The following DNAH3 variants were observed in gnomAD, a reference collection of about 807,000 sequenced individuals.
The protein encoded by DNAH3 is axonemal beta dynein heavy chain 3.
A neutral mutation model predicts 432.5 loss-of-function variants in DNAH3; 332 were observed. The observed-to-expected ratio is 0.77, with a 90% CI of 0.70 to 0.84. DNAH3 has a LOEUF of 0.84. DNAH3 is among the 40% of genes least tolerant of loss of function. The pLI, the probability that DNAH3 is intolerant of heterozygous loss-of-function variation, is 0.00. For missense variants in DNAH3, 4,861 were observed against 5,114.0 expected (o/e 0.95, Z 1.51); for synonymous variants, 1,956 against 1,900.2 (o/e 1.03, Z -0.76).
chr16:21,109,095 C>G (rs918503320), intron 14 of DNAH3, among the ~76,000 whole-genome samples: 27 of 149,368 alleles, frequency 1.8e-4, no homozygotes, highest in African/African-American at 6.7e-4. Flanking sequence ...TGCACTCCAG[C>G]CTGAACAACA....
chr16:21,098,660 T>A (rs2091757592), exon 17 of DNAH3: 1 of 1,613,532 alleles, frequency 6.2e-7, no homozygotes. Flanking sequence ...GAAAGCTCAT[T>A]AAGCTTTTCA....
intron 41 of DNAH3, among the ~76,000 whole-genome samples, chr16:21,010,494 A>T (rs1221375905): frequency 1.3e-5 from 2 of 152,194 alleles, no homozygotes; most frequent in Non-Finnish European, 2.9e-5. Flanking sequence ...TGACAAACAA[A>T]GGTCCATGTC....
intron 41 of DNAH3, among the ~76,000 whole-genome samples, chr16:21,004,641 T>C (rs2087190541): frequency 6.6e-6 from 1 of 152,196 alleles, no homozygotes; most frequent in African/African-American, 2.4e-5. Context: ...GTGCTAGGAT[T>C]ACAGGTGTGA....
In DNAH3 at chr16:20,963,325, GGC is replaced by G. The variant is rs2084906662; in HGVS notation, c.10557_10558del (p.Pro3520PhefsTer20). The G allele has an allele frequency of 6.2e-7, 1 of 1,613,958 alleles. No individual in the cohort carries two copies. Among genetic ancestry groups the G allele is most frequent in the Non-Finnish European group, 8.5e-7 (1 of 1,180,012 alleles). On this transcript the variant is annotated frameshift_variant, in exon 53 of 62. Coordinates refer to ENST00000261383, the Ensembl canonical transcript of DNAH3. LOFTEE classifies it high-confidence loss of function. ...ACTTGGAGACAACACAAAAATCAAA[GGC>G]GCACAGCAGCTGGAATCATTGTAGG...
At chr16:21,117,872 C>G (rs944026753) in intron 11 of DNAH3, among the ~76,000 whole-genome samples, 3 of 152,318 alleles carry the variant, frequency 2.0e-5, no homozygotes, top group Middle Eastern at 6.8e-3. Flanking sequence ...CCCCTCCTCC[C>G]CTACTACCCA....
Position 21,037,999 on chromosome 16 carries a change from G to A in DNAH3, c.4731-19C>T. Reference sequence around the variant, plus strand: ...GGCGAGACTAGAAGGGCAAAGACATGTATGCGGACACCCAGAGAGGACTAC... The same window carrying A: ...GGCGAGACTAGAAGGGCAAAGACATATATGCGGACACCCAGAGAGGACTAC... On this transcript the variant is annotated intron_variant, in intron 33 of 61. Coordinates refer to ENST00000261383, the Ensembl canonical transcript of DNAH3. The A allele has an allele frequency of 6.2e-7, 1 of 1,609,028 alleles. No homozygotes were observed. Among genetic ancestry groups the A allele is most frequent in the South Asian group, 1.1e-5 (1 of 90,826 alleles).
intron 57 of DNAH3, among the ~76,000 whole-genome samples, chr16:20,947,337 C>T (rs545072311): frequency 6.6e-6 from 1 of 152,288 alleles, no homozygotes; most frequent in African/African-American, 2.4e-5. Context: ...ATCTCTTCAT[C>T]TATATCTTTT....
rs758071481 is a variant in DNAH3 at position 20,987,943 on chromosome 16, T to G, written c.6724A>C (p.Arg2242=). Reference sequence around the variant, plus strand: ...CAGGAAGACAGAGAAACCTCTTACCTTAAAAACATCACATCAAACCCTTTC... The same window carrying G: ...CAGGAAGACAGAGAAACCTCTTACCGTAAAAACATCACATCAAACCCTTTC... Residue 2242 remains arginine, a splice_region_variant and synonymous_variant, in exon 45 of 62, where the codon AGG becomes CGG. Coordinates refer to ENST00000261383, the Ensembl canonical transcript of DNAH3. The G allele has an allele frequency of 5.0e-6, 8 of 1,614,138 alleles. No homozygotes were observed. The South Asian group carries it at 8.8e-5, about 18-fold the overall frequency.
At chr16:20,980,571 G>A (rs912561432) in intron 49 of DNAH3, among the ~76,000 whole-genome samples, 1 of 151,350 alleles carries the variant, frequency 6.6e-6, no homozygotes, top group African/African-American at 2.4e-5. Context: ...ATGGTGGGGG[G>A]TGGGGTAGGG....
intron 26 of DNAH3, among the ~76,000 whole-genome samples, chr16:21,058,908 G>A (rs2090236386): frequency 6.8e-6 from 1 of 147,034 alleles, no homozygotes; most frequent in Admixed American, 6.8e-5. Context: ...AAACCTATAC[G>A]ATGGGTTGAT....
exon 17 of DNAH3, chr16:21,098,702 C>T: frequency 6.2e-7 from 1 of 1,613,984 alleles, no homozygotes; most frequent in East Asian, 2.2e-5. Flanking sequence ...GTAGTCATCA[C>T]TTCGCGCTTC....
At chr16:21,148,261 C>T (rs2092810523) in intron 1 of DNAH3, among the ~76,000 whole-genome samples, 1 of 152,084 alleles carries the variant, frequency 6.6e-6, no homozygotes, top group African/African-American at 2.4e-5. Flanking sequence ...CGCAGCAATA[C>T]TATCTACCAT....
At chr16:21,147,187 G>A (rs11074484) in intron 1 of DNAH3, among the ~76,000 whole-genome samples, 69,211 of 151,584 alleles carry the variant, frequency 0.46, 16,077 homozygotes, top group East Asian at 0.69. Flanking sequence ...CCTCAGGTAT[G>A]ATTAAAGGAG....
At chr16:21,055,620 A>G (rs1374563792) in intron 27 of DNAH3, among the ~76,000 whole-genome samples, 1 of 152,126 alleles carries the variant, frequency 6.6e-6, no homozygotes, top group Non-Finnish European at 1.5e-5. Context: ...AAGAAAACTT[A>G]AAAAGGAAAA....
chr16:20,989,332 A>G (rs1036696620), intron 44 of DNAH3, among the ~76,000 whole-genome samples: 4 of 151,792 alleles, frequency 2.6e-5, no homozygotes, highest in Admixed American at 6.6e-5. Context: ...AGCTAGATAC[A>G]GAGTGTTGAT....
intron 7 of DNAH3, chr16:21,130,119 TCA>T (rs1411113969): frequency 2.1e-5 from 3 of 141,908 alleles, no homozygotes; most frequent in Non-Finnish European, 4.5e-5. Context: ...ACAAATGAAC[TCA>T]CAGTTTGGAA....
intron 31 of DNAH3, 31 bp downstream of exon 31, chr16:21,049,538 T>G: frequency 6.3e-7 from 1 of 1,593,682 alleles, no homozygotes; most frequent in Middle Eastern, 1.7e-4. Flanking sequence ...ATGCACAGCT[T>G]CTTTGTTCTG....
rs551647826 is a variant in DNAH3, at chr16:20,971,193, CT to C, written c.8260-1204del. On this transcript the variant is annotated intron_variant, in intron 51 of 61. Coordinates refer to ENST00000261383, the Ensembl canonical transcript of DNAH3. ...GTACTTCTGAGTTTCTAACAAATCA[CT>C]TTTTTTTTTTCTTTTTTGGTAAAGA... Among the ~76,000 whole-genome samples the C allele has an allele frequency of 9.8e-3, 1,441 of 147,308 alleles. 19 individuals carry two copies. The highest frequency in any genetic ancestry group is 0.032 in the African/African-American group (1,301 of 40,436).
intron 41 of DNAH3, among the ~76,000 whole-genome samples, chr16:21,008,870 A>G (rs935555648): frequency 2.0e-5 from 3 of 152,194 alleles, no homozygotes; most frequent in Non-Finnish European, 4.4e-5. Flanking sequence ...GTTGTAATTC[A>G]TTCTTTGGTT....
Sources: allele counts gnomAD v4.1 joint callset (sites outside exome capture counted in the v4.1 genomes callset), GRCh38; gene constraint gnomAD v4.1.1; transcripts MANE v1.5; gene names NCBI Gene and HGNC (gene_info 2026-07-23, HGNC 2026-07-21).